ADGRV1: variants seen among roughly 807,000 people sequenced by gnomAD.
The protein encoded by ADGRV1 is G-protein coupled receptor 98.
A neutral mutation model predicts 596.2 loss-of-function variants in ADGRV1; 359 were observed. That is an observed-to-expected ratio of 0.60 (90% confidence interval 0.55 to 0.66). The LOEUF is 0.66. ADGRV1 is among the 30% of genes least tolerant of loss of function. ADGRV1 has a pLI of 0.00. For missense variants in ADGRV1, 7,274 were observed against 7,575.6 expected (o/e 0.96, Z 1.48); for synonymous variants, 2,681 against 2,679.2 (o/e 1.00, Z -0.02).
intron 83 of ADGRV1, among the ~76,000 whole-genome samples, chr5:90,865,246 C>T (rs1197159429): frequency 6.6e-6 from 1 of 152,128 alleles, no homozygotes; most frequent in Admixed American, 6.5e-5. Flanking sequence ...CCTGCCTTAG[C>T]TGTCTGATCT....
chr5:90,951,340 T>C (rs183076192), intron 83 of ADGRV1, among the ~76,000 whole-genome samples: 1 of 152,332 alleles, frequency 6.6e-6, no homozygotes, highest in African/African-American at 2.4e-5. Flanking sequence ...TGGTCATTTA[T>C]TGAGGAAAGA....
chr5:90,759,346 C>G, intron 57 of ADGRV1, 63 bp from the exon 58 acceptor site: 1 of 1,207,584 alleles, frequency 8.3e-7, no homozygotes, highest in South Asian at 1.4e-5. Flanking sequence ...TTTCTTTCCT[C>G]ATTTCCTATC....
intron 85 of ADGRV1, among the ~76,000 whole-genome samples, chr5:91,046,038 G>A (rs547257013): frequency 2.0e-4 from 30 of 152,088 alleles, no homozygotes; most frequent in South Asian, 1.2e-3. Context: ...AAATGGAAAC[G>A]CATCCCATGC....
chr5:90,837,689 A>G (rs76309363), intron 77 of ADGRV1, among the ~76,000 whole-genome samples: 14 of 152,308 alleles, frequency 9.2e-5, no homozygotes, highest in African/African-American at 3.4e-4. Context: ...TTTTATAAAC[A>G]CAAGAACATT....
intron 83 of ADGRV1, among the ~76,000 whole-genome samples, chr5:90,947,475 T>C (rs1047078519): frequency 6.6e-6 from 1 of 152,194 alleles, no homozygotes; most frequent in African/African-American, 2.4e-5. Context: ...GCTTTTGTTC[T>C]AATTTTTTTA....
intron 85 of ADGRV1, among the ~76,000 whole-genome samples, chr5:91,003,289 C>T (rs1781994052): frequency 6.6e-6 from 1 of 152,148 alleles, no homozygotes; most frequent in Admixed American, 6.6e-5. Context: ...CATTAGGTAA[C>T]TTGTTTCTTC....
At chr5:90,793,696 A>C (rs1334859565) in intron 70 of ADGRV1, among the ~76,000 whole-genome samples, 2 of 140,128 alleles carry the variant, frequency 1.4e-5, no homozygotes, top group African/African-American at 4.9e-5. Context: ...TAGCTTTCCT[A>C]ATATGATAAA....
At chr5:90,792,346 T>C (rs1760175871) in intron 70 of ADGRV1, 1 of 152,210 alleles carries the variant, frequency 6.6e-6, no homozygotes, top group Non-Finnish European at 1.5e-5. Flanking sequence ...GAAAATAGGC[T>C]ATCATTTCCG....
rs75758002 is a variant in ADGRV1, at chr5:90,858,803, T to C, written c.17755+2902T>C. 0.012 allele frequency among the ~76,000 whole-genome samples: 1,772 copies of C among 152,282 alleles called. 120 individuals carry two copies. In the East Asian group the frequency reaches 0.19, roughly 16 times the overall value. On this transcript the variant is annotated intron_variant, in intron 82 of 89. Transcript: ENST00000405460. ...GCTCTTCTCTTTTTATCCTCAAGGATTTTTTTCCCTCAGCTTTGTTTGTAC... is the reference window on the plus strand; with the variant it reads ...GCTCTTCTCTTTTTATCCTCAAGGACTTTTTTCCCTCAGCTTTGTTTGTAC...
At chr5:90,743,608 A>G (rs1455904098) in intron 50 of ADGRV1, among the ~76,000 whole-genome samples, 1 of 151,398 alleles carries the variant, frequency 6.6e-6, no homozygotes, top group Non-Finnish European at 1.5e-5. Context: ...AGTAGCTGGG[A>G]CTACAGGTGC....
intron 84 of ADGRV1, among the ~76,000 whole-genome samples, chr5:90,968,689 A>C (rs1778687214): frequency 6.6e-6 from 1 of 151,234 alleles, no homozygotes; most frequent in Non-Finnish European, 1.5e-5. Context: ...TCCCATTTAT[A>C]AAACAGTGAC....
At chr5:91,056,737 G>A (rs543558063) in intron 85 of ADGRV1, among the ~76,000 whole-genome samples, 35 of 152,184 alleles carry the variant, frequency 2.3e-4, no homozygotes, top group South Asian at 1.0e-3. Context: ...CAAGGCTGTC[G>A]TCTCCTTTGC....
chr5:91,005,672 C>T (rs1278038550), intron 85 of ADGRV1, among the ~76,000 whole-genome samples: 1 of 152,146 alleles, frequency 6.6e-6, no homozygotes, highest in African/African-American at 2.4e-5. Context: ...TCTTTGGCAG[C>T]ACTCTCTCAC....
chr5:90,616,520 A>G (rs1000841625), intron 2 of ADGRV1, among the ~76,000 whole-genome samples: 1 of 152,010 alleles, frequency 6.6e-6, no homozygotes, highest in Admixed American at 6.6e-5. Flanking sequence ...GAAATAATTG[A>G]TTTTCCTGAC....
chr5:91,114,564 G>A (rs1274939173), intron 87 of ADGRV1, among the ~76,000 whole-genome samples: 3 of 151,994 alleles, frequency 2.0e-5, no homozygotes, highest in Non-Finnish European at 4.4e-5. Context: ...AGGAAGGGAA[G>A]GAAATGGGTT....
At chr5:90,637,077 C>T (rs1462359432) in intron 10 of ADGRV1, among the ~76,000 whole-genome samples, 1 of 152,138 alleles carries the variant, frequency 6.6e-6, no homozygotes, top group Non-Finnish European at 1.5e-5. Context: ...AGATACTTTA[C>T]TTAAACAATT....
At chr5:90,853,647 C>A in intron 80 of ADGRV1, 114 bp downstream of exon 80, 2 of 917,056 alleles carry the variant, frequency 2.2e-6, no homozygotes, top group Non-Finnish European at 3.2e-6. Flanking sequence ...ACATGGTGAA[C>A]TACTATGAAA....
chr5:90,705,435 C>G lies in ADGRV1; in HGVS notation c.8422C>G (p.Gln2808Glu). ...AGCCGGAATCGCCCTGCTTGATGCT[C>G]AAGGATATGCAGCTGTCCTCACAGT... ...PPAGIALLDA[Q>E]GYAAVLTVEA... The change falls in exon 37 of 90, where the codon CAA becomes GAA. Residue 2808 changes from glutamine (Q) to glutamate (E), a missense_variant. Gln to Glu is a conservative substitution (Grantham distance 29). This residue lies in a region of ADGRV1 where 3,643 missense variants were observed against 3,809.2 expected (regional missense o/e 0.96). Coordinates refer to ENST00000405460, the MANE Select transcript of ADGRV1 (RefSeq NM_032119.4). 6.2e-7 allele frequency: 1 copy of G among 1,613,868 alleles called. No homozygotes were observed. The highest frequency in any genetic ancestry group is 8.5e-7 in the Non-Finnish European group (1 of 1,179,798).
chr5:90,968,221 G>C (rs1482273299), intron 84 of ADGRV1, among the ~76,000 whole-genome samples: 1 of 152,172 alleles, frequency 6.6e-6, no homozygotes, highest in Admixed American at 6.5e-5. Flanking sequence ...TTTGATTCAG[G>C]TTAAGAGTGT....
Sources: allele counts gnomAD v4.1 joint callset (sites outside exome capture counted in the v4.1 genomes callset), GRCh38; gene constraint gnomAD v4.1.1; regional missense constraint gnomAD v4.1.1; transcripts MANE v1.5; gene names NCBI Gene and HGNC (gene_info 2026-07-23, HGNC 2026-07-21).